Variants in IL6R observed in about 807,000 individuals in gnomAD.
IL6R encodes interleukin 6 receptor, also known as interleukin-6 receptor subunit alpha.
A neutral mutation model predicts 48.3 loss-of-function variants in IL6R; 38 were observed. The ratio of observed to expected loss-of-function variants is 0.79; its 90% CI spans 0.61 to 1.03. The LOEUF (loss-of-function observed/expected upper bound fraction) is 1.03. Among genes scored for constraint, IL6R ranks in the 50% least tolerant of loss-of-function variants. The pLI, the probability that IL6R is intolerant of heterozygous loss-of-function variation, is 0.00. For missense variants in IL6R, 534 were observed against 618.3 expected, an observed-to-expected ratio of 0.86 and a Z score of 1.45; for synonymous variants, 264 against 256.2, an observed-to-expected ratio of 1.03 and a Z score of -0.29.
intron 1 of IL6R, among the ~76,000 whole-genome samples, chr1:154,424,403 A>G (rs963281056): frequency 1.3e-5 from 2 of 152,154 alleles, no homozygotes; most frequent in Admixed American, 6.6e-5. Context: ...CCTACCTTAG[A>G]CCTTCATGCA....
intron 9 of IL6R, among the ~76,000 whole-genome samples, chr1:154,455,883 CCT>C (rs1557779495): frequency 1.3e-5 from 2 of 151,892 alleles, no homozygotes; most frequent in African/African-American, 2.4e-5. Flanking sequence ...ATGATAAAAC[CCT>C]GTCTCTACTA....
chr1:154,465,607 G>C lies in IL6R; in HGVS notation c.*227G>C, dbSNP rs556274427. 2 of 585,344 alleles carry C rather than the reference G, an allele frequency of 3.4e-6. No homozygotes were observed. Among genetic ancestry groups the C allele is most frequent in the East Asian group, 5.8e-5 (2 of 34,776 alleles). The allele number at this position is 585,344 out of a possible 1,614,324, so 36.3% of individuals were successfully genotyped here. A position where few individuals can be genotyped will look rare whatever the true frequency, so the allele number is the denominator to read the frequency against. Reference sequence around the variant, plus strand: ...CTTTCCAAATGCCCAGCTTAAAGGGGCTAGAGTGAACTTGGGCCACTGTGA... The same window carrying C: ...CTTTCCAAATGCCCAGCTTAAAGGGCCTAGAGTGAACTTGGGCCACTGTGA... On this transcript the variant is annotated 3_prime_UTR_variant, in exon 10 of 10. Transcript: ENST00000368485.
intron 7 of IL6R, among the ~76,000 whole-genome samples, chr1:154,448,947 G>A (rs1200499134): frequency 1.5e-5 from 2 of 134,622 alleles, no homozygotes; most frequent in African/African-American, 5.8e-5. Flanking sequence ...ACTGCGGACT[G>A]CAGTGGCGCA....
intron 6 of IL6R, among the ~76,000 whole-genome samples, chr1:154,438,683 T>C (rs1162607622): frequency 6.6e-6 from 1 of 152,084 alleles, no homozygotes; most frequent in East Asian, 1.9e-4. Context: ...TTGGATGGTG[T>C]GGGGTGATGG....
chr1:154,447,476 T>TATATATATACAC (rs1424013885), intron 6 of IL6R, among the ~76,000 whole-genome samples: 26 of 68,776 alleles, frequency 3.8e-4, no homozygotes, highest in East Asian at 1.8e-3. Flanking sequence ...TATATATATA[T>TATATATATACAC]ACACACACAC....
chr1:154,445,541 G>T (rs1051536975), intron 6 of IL6R, among the ~76,000 whole-genome samples: 5 of 152,106 alleles, frequency 3.3e-5, no homozygotes, highest in Non-Finnish European at 7.4e-5. Context: ...ACCAGGTCAG[G>T]AGATCAAGAC....
At chr1:154,449,721 C>T (rs1010622003) in intron 7 of IL6R, among the ~76,000 whole-genome samples, 190 bp from the exon 8 acceptor site, 7 of 152,176 alleles carry the variant, frequency 4.6e-5, no homozygotes, top group African/African-American at 1.7e-4. Context: ...CCACCTTTAG[C>T]AGGCATGGTG....
chr1:154,449,548 A>G (rs1429823645), intron 7 of IL6R, among the ~76,000 whole-genome samples: 2 of 152,150 alleles, frequency 1.3e-5, no homozygotes, highest in Non-Finnish European at 2.9e-5. Context: ...AAGTCTGTCC[A>G]AGGTGACATA....
At chr1:154,453,476 C>G (rs79576032) in intron 8 of IL6R, among the ~76,000 whole-genome samples, 2 of 152,330 alleles carry the variant, frequency 1.3e-5, no homozygotes, top group East Asian at 3.9e-4. Context: ...GTCCATACAA[C>G]TGTGACTGCA....
At chr1:154,444,856 T>C (rs1483683196) in intron 6 of IL6R, among the ~76,000 whole-genome samples, 1 of 152,058 alleles carries the variant, frequency 6.6e-6, no homozygotes, top group African/African-American at 2.4e-5. Flanking sequence ...TGAGCTATGA[T>C]TGCACTACTG....
At position 154,405,527 on chromosome 1, in the gene IL6R, C is replaced by A; in HGVS notation, c.-103C>A. On this transcript the variant is annotated 5_prime_UTR_variant, in exon 1 of 10. It adds an upstream start codon to the 5' untranslated region. Transcript: ENST00000368485. The surrounding 1 kb of genome is among the most constrained non-coding windows in gnomAD (Gnocchi z 5.2). Reference sequence around the variant, plus strand: ...GGCTGCCCCCGGGGCCTGAGCCCGCCTGCCCGCCCACCGCCCCGCCCCGCC... The same window carrying A: ...GGCTGCCCCCGGGGCCTGAGCCCGCATGCCCGCCCACCGCCCCGCCCCGCC... 2.3e-6 allele frequency: 1 copy of A among 438,994 alleles called. No individual in the cohort carries two copies. Among genetic ancestry groups the A allele is most frequent in the South Asian group, 2.3e-5 (1 of 44,374 alleles). The allele number at this position is 438,994 out of a possible 1,614,324, so 27.2% of individuals were successfully genotyped here. A position where few individuals can be genotyped will look rare whatever the true frequency, so the allele number is the denominator to read the frequency against.
Position 154,465,129 on chromosome 1 carries a change from T to C in IL6R, c.1161-5T>C. On this transcript the variant is annotated splice_region_variant and splice_polypyrimidine_tract_variant and intron_variant, in intron 9 of 9. Coordinates refer to ENST00000368485, the MANE Select transcript of IL6R (RefSeq NM_000565.4). ...TGTGGTTTGTCTTTGTGTGTTTGTG[T>C]GAAGGTTCAAGAAGACGTGGAAGCT... 1 of 1,614,064 alleles carries C rather than the reference T, an allele frequency of 6.2e-7. No individual in the cohort carries two copies. Among genetic ancestry groups the C allele is most frequent in the Non-Finnish European group, 8.5e-7 (1 of 1,180,010 alleles).
intron 6 of IL6R, among the ~76,000 whole-genome samples, chr1:154,444,065 C>T (rs1397260877): frequency 6.6e-6 from 1 of 152,118 alleles, no homozygotes; most frequent in Non-Finnish European, 1.5e-5. Context: ...TCTTCGTGCC[C>T]CTCTCCACGA....
chr1:154,461,730 C>T (rs1691274217), intron 9 of IL6R, among the ~76,000 whole-genome samples: 1 of 151,968 alleles, frequency 6.6e-6, no homozygotes, highest in Non-Finnish European at 1.5e-5. Flanking sequence ...AGTGTCTTGC[C>T]TCGGCACCTA....
chr1:154,413,743 T>G (rs1156600782), intron 1 of IL6R, among the ~76,000 whole-genome samples: 1 of 152,072 alleles, frequency 6.6e-6, no homozygotes, highest in Non-Finnish European at 1.5e-5. Flanking sequence ...ACAGGAGCTC[T>G]TGACATATTA....
At chr1:154,447,464 T>TACACACACAC (rs1558323479) in intron 6 of IL6R, among the ~76,000 whole-genome samples, 1 of 93,500 alleles carries the variant, frequency 1.1e-5, no homozygotes, top group African/African-American at 5.7e-5. Context: ...AATATATATA[T>TACACACACAC]ATATATATAT....
Position 154,458,492 on chromosome 1 carries a change from G to A in IL6R, c.1160+3911G>A, listed in dbSNP as rs144358824. Among the ~76,000 whole-genome samples, 9 of 152,276 alleles carry A rather than the reference G, an allele frequency of 5.9e-5. No individual in the cohort carries two copies. The East Asian group carries it at 1.2e-3, about 20-fold the overall frequency. ...TCCTGTGTTCTGGCTCTGTGTCTAC[G>A]TTAGGGCTTCAACAGACTTTTCTCA... is the stretch of plus-strand genomic sequence containing the variant. On this transcript the variant is annotated intron_variant, in intron 9 of 9. Coordinates refer to ENST00000368485, the MANE Select transcript of IL6R (RefSeq NM_000565.4).
At chr1:154,410,903 C>T (rs1687982768) in intron 1 of IL6R, among the ~76,000 whole-genome samples, 1 of 152,152 alleles carries the variant, frequency 6.6e-6, no homozygotes, top group African/African-American at 2.4e-5. Context: ...TATGGTGTGT[C>T]AACTGTGTGC....
At chr1:154,407,691 A>G (rs1211937946) in intron 1 of IL6R, among the ~76,000 whole-genome samples, 4 of 152,198 alleles carry the variant, frequency 2.6e-5, no homozygotes, top group African/African-American at 9.6e-5. Context: ...GGAAATCCGC[A>G]GGTACAGCCT....
Sources: allele counts gnomAD v4.1 joint callset (sites outside exome capture counted in the v4.1 genomes callset), GRCh38; gene constraint gnomAD v4.1.1; non-coding constraint Gnocchi (gnomAD v3.1); transcripts MANE v1.5; gene names NCBI Gene and HGNC (gene_info 2026-07-23, HGNC 2026-07-21).